Variants in SVEP1 observed in about 807,000 individuals in gnomAD.
SVEP1 encodes sushi, von Willebrand factor type A, EGF and pentraxin domain-containing protein 1.
A neutral mutation model predicts 367.3 loss-of-function variants in SVEP1; 164 were observed. The observed-to-expected ratio is 0.45, with a 90% CI of 0.39 to 0.51. The LOEUF is 0.51. Ranked by LOEUF, SVEP1 falls within the 20% of genes least tolerant of loss-of-function variation. The pLI is 0.00. For missense variants in SVEP1, 4,117 were observed against 4,425.3 expected, an observed-to-expected ratio of 0.93 and a Z score of 1.98; for synonymous variants, 1,666 against 1,611.6, an observed-to-expected ratio of 1.03 and a Z score of -0.81.
Position 110,482,381 on chromosome 9 carries a change from T to G in SVEP1, c.2150A>C (p.Asp717Ala). 1 of 1,612,382 alleles carries G rather than the reference T, an allele frequency of 6.2e-7. No homozygotes were observed. The highest frequency in any genetic ancestry group is 1.3e-5 in the African/African-American group (1 of 75,008). Residue 717 changes from aspartate to alanine, a missense_variant, in exon 11 of 48, where the codon GAT (aspartate) becomes GCT (alanine). By Grantham distance (126) the Asp-to-Ala change is moderately radical. Around this residue, in one of 4 missense-constraint regions of SVEP1, gnomAD observed 2,174 missense variants for 2,494.3 expected, o/e 0.87. Coordinates refer to ENST00000374469, the MANE Select transcript of SVEP1 (RefSeq NM_153366.4). ...AATACCTTTTATGACAATATGGATA[T>G]CACATGTCCTGTTATTGCCTGAGGG... ...TDPSGNNRTC[D>A]IHIVIKGSPC...
At chr9:110,440,854 C>T (rs1236931774) in intron 27 of SVEP1, among the ~76,000 whole-genome samples, 2 of 152,156 alleles carry the variant, frequency 1.3e-5, no homozygotes, top group Non-Finnish European at 2.9e-5. Flanking sequence ...ACCTGCTCCA[C>T]CTGTGGGCAT....
chr9:110,547,329 G>A (rs1830232697), intron 2 of SVEP1, among the ~76,000 whole-genome samples: 1 of 152,192 alleles, frequency 6.6e-6, no homozygotes, highest in Admixed American at 6.5e-5. Flanking sequence ...TTATTTGGCA[G>A]TAAAGCAAGT....
In SVEP1 at chr9:110,579,365, C is replaced by G. The variant is rs1830665269; in HGVS notation, c.179G>C (p.Arg60Thr). ...GAACGCCTGGCCCAGCCGCTCCACT[C>G]TGCTCCCCGCCGCTTCGTCGCCAGG... is the stretch of plus-strand genomic sequence containing the variant. ...PAPGDEAAGS[R>T]VERLGQAFRR... Residue 60 changes from arginine (R) to threonine (T), a missense_variant, in exon 1 of 48, where the codon AGA becomes ACA. Arg to Thr is a moderately conservative substitution (Grantham distance 71). Transcript: ENST00000374469. The surrounding 1 kb of genome is among the most constrained non-coding windows in gnomAD (Gnocchi z 5.3). 1 of 1,556,056 alleles carries G rather than the reference C, an allele frequency of 6.4e-7. No individual in the cohort carries two copies. Among genetic ancestry groups the G allele is most frequent in the African/African-American group, 1.4e-5 (1 of 73,326 alleles).
chr9:110,377,158 T>A, intron 45 of SVEP1, 113 bp downstream of exon 45: 1 of 896,770 alleles, frequency 1.1e-6, no homozygotes, highest in Non-Finnish European at 1.7e-6. Flanking sequence ...GGACAAGGAC[T>A]TACAGCAAAT....
At chr9:110,476,025 C>T in intron 14 of SVEP1, 179 bp downstream of exon 14, 2 of 469,448 alleles carry the variant, frequency 4.3e-6, no homozygotes, top group Admixed American at 4.1e-5. Context: ...TTATTTGTTA[C>T]TAAAATTTGA....
At chr9:110,451,510 T>C (rs1039223700) in intron 22 of SVEP1, 108 bp from the exon 23 acceptor site, 4 of 671,654 alleles carry the variant, frequency 6.0e-6, no homozygotes, top group Middle Eastern at 5.0e-4. Flanking sequence ...TTGGAAATCA[T>C]GGCTAACATG....
intron 1 of SVEP1, among the ~76,000 whole-genome samples, chr9:110,555,981 T>C (rs1212269645): frequency 2.6e-5 from 4 of 152,234 alleles, no homozygotes; most frequent in East Asian, 3.8e-4. Context: ...ATAGTTTACA[T>C]CATCTGCTAG....
At chr9:110,439,087 G>A (rs1388734941) in intron 27 of SVEP1, among the ~76,000 whole-genome samples, 1 of 152,134 alleles carries the variant, frequency 6.6e-6, no homozygotes, top group Non-Finnish European at 1.5e-5. Flanking sequence ...GCACTGAACT[G>A]TGTCCCCGCC....
At chr9:110,451,181 C>T (rs149253928) in intron 23 of SVEP1, 108 bp downstream of exon 23, 1 of 832,726 alleles carries the variant, frequency 1.2e-6, no homozygotes, top group South Asian at 1.8e-5. Context: ...AATCACCATA[C>T]AGTAATAAAA....
At chr9:110,451,462 G>T in intron 22 of SVEP1, 60 bp from the exon 23 acceptor site, 1 of 1,260,024 alleles carries the variant, frequency 7.9e-7, no homozygotes, top group Non-Finnish European at 1.1e-6. Flanking sequence ...AAGACCAATA[G>T]TTTCCAAGCA....
intron 39 of SVEP1, among the ~76,000 whole-genome samples, chr9:110,403,232 AGGAGAAGG>A (rs998492948): frequency 1.4e-5 from 2 of 144,172 alleles, no homozygotes; most frequent in African/African-American, 2.6e-5. Context: ...TATGGAAGTT[AGGAGAAGG>A]GGATGGGCTA....
Position 110,406,924 on chromosome 9 carries a change from G to A in SVEP1, c.8676C>T (p.Ala2892=). 1.2e-6 allele frequency: 2 copies of A among 1,613,802 alleles called. No individual in the cohort carries two copies. Among genetic ancestry groups the A allele is most frequent in the South Asian group, 1.1e-5 (1 of 91,084 alleles). The part of the protein sequence containing the change: ...ATPDCVPVRC[A]TPPQLANGVT... ...CCCCATTGGCCAGTTGTGGCGGGGT[G>A]GCACATCTGACAGGCACACAGTCGG... The change falls in exon 38 of 48, where the codon GCC becomes GCT. Residue 2892 remains alanine, a synonymous_variant. Transcript: ENST00000374469.
intron 15 of SVEP1, 99 bp from the exon 16 acceptor site, chr9:110,471,696 T>A: frequency 9.7e-6 from 8 of 828,914 alleles, no homozygotes; most frequent in South Asian, 1.9e-5. Context: ...TAAAATCTTT[T>A]AGTACTAATA....
In SVEP1 at chr9:110,481,261, A is replaced by G; in HGVS notation, c.2346T>C (p.Thr782=). 6.3e-7 allele frequency: 1 copy of G among 1,588,974 alleles called. No individual in the cohort carries two copies. The highest frequency in any genetic ancestry group is 8.6e-7 in the Non-Finnish European group (1 of 1,166,738). Residue 782 remains threonine, a synonymous_variant, in exon 12 of 48, where the codon ACT becomes ACC. Transcript: ENST00000374469. ...ACTTACTGGCACAGTCTGGCCATTC[A>G]GTGGTATATGTTGGTTTCCAGACGC... ...EDGVWKPTYT[T]EWPDCAKKRF... is the part of the protein sequence containing the mutation.
At chr9:110,562,348 C>G (rs1830442719) in intron 1 of SVEP1, among the ~76,000 whole-genome samples, 2 of 151,988 alleles carry the variant, frequency 1.3e-5, no homozygotes, top group African/African-American at 4.8e-5. Context: ...ATTTTATTAT[C>G]AATATTGTTA....
intron 5 of SVEP1, 111 bp downstream of exon 5, chr9:110,512,814 TG>T: frequency 2.4e-6 from 3 of 1,237,668 alleles, no homozygotes; most frequent in Admixed American, 3.8e-5. Context: ...TTCTGTAGTA[TG>T]GGGTCTATGA....
At chr9:110,544,665 G>T (rs907718495) in intron 3 of SVEP1, among the ~76,000 whole-genome samples, 6 of 151,972 alleles carry the variant, frequency 3.9e-5, no homozygotes, top group Non-Finnish European at 8.8e-5. Context: ...CTATTCACAC[G>T]CATGGGGCAC....
intron 38 of SVEP1, among the ~76,000 whole-genome samples, chr9:110,405,669 A>G (rs1157273060): frequency 2.6e-5 from 4 of 152,194 alleles, no homozygotes; most frequent in African/African-American, 9.7e-5. Context: ...ATGAATACCT[A>G]CTTTGTGCCA....
At position 110,570,467 on chromosome 9, in the gene SVEP1, C is replaced by CGTGTGTGTGTGTGTGTGTGT. The variant is rs59503025; in HGVS notation, c.531+8526_531+8545dup. On this transcript the variant is annotated intron_variant, in intron 1 of 47. Coordinates refer to ENST00000374469, the MANE Select transcript of SVEP1 (RefSeq NM_153366.4). ...AAACTAAGACAAAAAGTTTCTGTTG[C>CGTGTGTGTGTGTGTGTGTGT]GTGTGTGTGTGTGTGTGTGTGTGTG... Among the ~76,000 whole-genome samples the CGTGTGTGTGTGTGTGTGTGT allele has an allele frequency of 1.2e-3, 182 of 146,936 alleles. 3 individuals are homozygous for CGTGTGTGTGTGTGTGTGTGT. Among genetic ancestry groups the CGTGTGTGTGTGTGTGTGTGT allele is most frequent in the African/African-American group, 2.1e-3 (85 of 39,572 alleles).
Sources: allele counts gnomAD v4.1 joint callset (sites outside exome capture counted in the v4.1 genomes callset), GRCh38; gene constraint gnomAD v4.1.1; regional missense constraint gnomAD v4.1.1; non-coding constraint Gnocchi (gnomAD v3.1); transcripts MANE v1.5; gene names NCBI Gene and HGNC (gene_info 2026-07-23, HGNC 2026-07-21).